SGPL1: variants seen among roughly 807,000 people sequenced by gnomAD.
The protein encoded by SGPL1 is sphingosine-1-phosphate lyase 1.
In SGPL1, 37 loss-of-function variants were observed where a neutral mutation model predicts 68.9. That is an observed-to-expected ratio of 0.54 (90% CI 0.41 to 0.71). The LOEUF is 0.71. SGPL1 is among the 30% of genes least tolerant of loss of function. SGPL1 has a pLI of 0.00. For missense variants in SGPL1, 551 were observed against 704.6 expected, an observed-to-expected ratio of 0.78 and a Z score of 2.47; for synonymous variants, 236 against 248.5, an observed-to-expected ratio of 0.95 and a Z score of 0.47.
chr10:70,843,671 C>G (rs1388966662), intron 2 of SGPL1, among the ~76,000 whole-genome samples: 1 of 150,598 alleles, frequency 6.6e-6, no homozygotes, highest in Non-Finnish European at 1.5e-5. Flanking sequence ...TTTTCTTGCT[C>G]GTACCAGGTG....
intron 4 of SGPL1, among the ~76,000 whole-genome samples, chr10:70,853,661 C>T (rs1845920390): frequency 6.6e-6 from 1 of 152,030 alleles, no homozygotes; most frequent in African/African-American, 2.4e-5. Context: ...TGTGAATATG[C>T]AGTGAATATG....
At position 70,877,272 on chromosome 10, in the gene SGPL1, C is replaced by G; in HGVS notation, c.1644C>G (p.Ser548Arg). ...AATTGTCCTCAGTCTTCTTGGACAG[C>G]TTGTACAGCACCGACACTGTCACCC... ...VAELSSVFLD[S>R]LYSTDTVTQG... is the part of the protein sequence containing the mutation. Residue 548 changes from serine (S) to arginine (R), a missense_variant, in exon 15 of 15, where the codon AGC becomes AGG. Ser to Arg is a moderately radical substitution (Grantham distance 110). Coordinates refer to ENST00000373202, the MANE Select transcript of SGPL1 (RefSeq NM_003901.4). The G allele has an allele frequency of 3.1e-6, 5 of 1,614,076 alleles. No homozygotes were observed. The highest frequency in any genetic ancestry group is 4.2e-6 in the Non-Finnish European group (5 of 1,179,906).
At position 70,816,819 on chromosome 10, in the gene SGPL1, AAAG is replaced by A; in HGVS notation, c.-34_-32del. ...CTGGTTCCCTTTTACAGAGTCTGAA[AAAG>A]GGGAGCGCGGAGAGGAGGCTGGAAG... On this transcript the variant is annotated 5_prime_UTR_variant, in exon 2 of 15. Transcript: ENST00000373202. The A allele has an allele frequency of 6.2e-7, 1 of 1,612,432 alleles. No homozygotes were observed.
At chr10:70,871,185 A>G in intron 10 of SGPL1, 39 bp downstream of exon 10, 1 of 1,383,808 alleles carries the variant, frequency 7.2e-7, no homozygotes, top group Middle Eastern at 1.8e-4. Context: ...AGGCAAATGG[A>G]TATTTTAAAA....
In SGPL1 at chr10:70,869,896, G is replaced by A. The variant is rs746834962; in HGVS notation, c.809G>A (p.Arg270Gln). The A allele has an allele frequency of 6.8e-6, 11 of 1,613,182 alleles. No individual in the cohort carries two copies. The highest frequency in any genetic ancestry group is 6.7e-5 in the East Asian group (3 of 44,884). ...PLTKMMEVDV[R>Q]AMRRAISRNT... is the part of the protein sequence containing the mutation. ...ACGAAGATGATGGAGGTGGATGTGC[G>A]GGTGAGTCCCTCTGGAGGGCCCACT... Residue 270 changes from arginine (R) to glutamine (Q), a missense_variant and splice_region_variant, in exon 9 of 15, where the codon CGG (arginine) becomes CAG (glutamine). Physicochemically the swap from Arg to Gln is conservative, Grantham distance 43. Coordinates refer to ENST00000373202, the MANE Select transcript of SGPL1 (RefSeq NM_003901.4).
intron 7 of SGPL1, among the ~76,000 whole-genome samples, chr10:70,865,889 CTT>C (rs1846177264): frequency 1.3e-5 from 2 of 152,150 alleles, no homozygotes; most frequent in Non-Finnish European, 2.9e-5. Context: ...ATGTTGTTCT[CTT>C]GTTTTCTGAA....
At chr10:70,852,059 C>T (rs1367789666) in intron 4 of SGPL1, among the ~76,000 whole-genome samples, 2 of 152,232 alleles carry the variant, frequency 1.3e-5, no homozygotes, top group Non-Finnish European at 2.9e-5. Context: ...GGGCAGGCCA[C>T]TTGGCAAGCT....
In SGPL1 at chr10:70,844,482, G is replaced by T; in HGVS notation, c.37G>T (p.Glu13Ter). 1 of 1,613,478 alleles carries T rather than the reference G, an allele frequency of 6.2e-7. No individual in the cohort carries two copies. Among genetic ancestry groups the T allele is most frequent in the Non-Finnish European group, 8.5e-7 (1 of 1,179,556 alleles). ...STDLLMLKAF[E>*]PYLEILEVYS... ...TCACTTGTATTTCTAGAAGGCCTTTGAGCCCTACTTAGAGATTTTGGAAGT... is the reference window on the plus strand; with the variant it reads ...TCACTTGTATTTCTAGAAGGCCTTTTAGCCCTACTTAGAGATTTTGGAAGT... The change falls in exon 3 of 15, where the codon GAG becomes TAG. Residue 13 changes from glutamate to a stop codon, truncating the protein, a stop_gained. Transcript: ENST00000373202. LOFTEE classifies it high-confidence loss of function.
At chr10:70,875,034 A>G (rs1024195027) in intron 12 of SGPL1, among the ~76,000 whole-genome samples, 1 of 152,266 alleles carries the variant, frequency 6.6e-6, no homozygotes, top group Non-Finnish European at 1.5e-5. Context: ...ACTTTTTAGA[A>G]CTGTGGAGAT....
At chr10:70,832,868 G>C (rs543732771) in intron 2 of SGPL1, among the ~76,000 whole-genome samples, 10 of 152,086 alleles carry the variant, frequency 6.6e-5, no homozygotes, top group Non-Finnish European at 1.5e-4. Context: ...GTGTTCCTCT[G>C]CTTATTGAAT....
chr10:70,869,124 G>C (rs1200956586), intron 8 of SGPL1: 1 of 152,258 alleles, frequency 6.6e-6, no homozygotes, highest in Non-Finnish European at 1.5e-5. Flanking sequence ...TTCATATGTC[G>C]ATCTTTGGTG....
At chr10:70,843,711 T>C (rs1212938691) in intron 2 of SGPL1, among the ~76,000 whole-genome samples, 3 of 152,226 alleles carry the variant, frequency 2.0e-5, no homozygotes, top group African/African-American at 2.4e-5. Flanking sequence ...TGGTAAGATA[T>C]GGTTGCTGAC....
At chr10:70,861,034 CT>C (rs75728471) in intron 7 of SGPL1, among the ~76,000 whole-genome samples, 378 of 136,658 alleles carry the variant, frequency 2.8e-3, no homozygotes, top group South Asian at 5.2e-3. Flanking sequence ...TCTTTCTTTC[CT>C]TTTTTTTTTT....
At chr10:70,864,300 C>T (rs1846138762) in intron 7 of SGPL1, among the ~76,000 whole-genome samples, 1 of 152,180 alleles carries the variant, frequency 6.6e-6, no homozygotes, top group South Asian at 2.1e-4. Flanking sequence ...CAGTCATTCT[C>T]TGTATGACTT....
intron 4 of SGPL1, among the ~76,000 whole-genome samples, chr10:70,853,443 C>T (rs1309883647): frequency 6.6e-6 from 1 of 152,166 alleles, no homozygotes; most frequent in African/African-American, 2.4e-5. Flanking sequence ...AACCTACTAC[C>T]CAAGAGCCTT....
At chr10:70,816,778 C>A (rs960415050) in intron 1 of SGPL1, 33 bp from the exon 2 acceptor site, 3 of 1,459,028 alleles carry the variant, frequency 2.1e-6, no homozygotes, top group African/African-American at 2.8e-5. Flanking sequence ...GTTTAAAGCT[C>A]TAGAAGTAAA....
chr10:70,861,537 T>C (rs1272839006), intron 7 of SGPL1, among the ~76,000 whole-genome samples: 4 of 152,188 alleles, frequency 2.6e-5, no homozygotes, highest in African/African-American at 7.2e-5. Flanking sequence ...GCTCCCACTT[T>C]GGCGGCACTT....
chr10:70,829,878 A>G (rs924908212), intron 2 of SGPL1, among the ~76,000 whole-genome samples: 1 of 152,196 alleles, frequency 6.6e-6, no homozygotes, highest in African/African-American at 2.4e-5. Context: ...TTGCTACAGT[A>G]TGTGCTTAGG....
rs1846117797 is a variant in SGPL1 at position 70,863,339 on chromosome 10, T to C, written c.615+3840T>C. Reference sequence around the variant, plus strand: ...TCTGCTTGGTTGTTTTTTATAGTCCTTTTCCTTGGCTTAACTTTTGTTTAC... The same window carrying C: ...TCTGCTTGGTTGTTTTTTATAGTCCCTTTCCTTGGCTTAACTTTTGTTTAC... On this transcript the variant is annotated intron_variant, in intron 7 of 14. Transcript: ENST00000373202. Among the ~76,000 whole-genome samples the C allele has an allele frequency of 3.3e-5, 5 of 151,536 alleles. No homozygotes were observed. The South Asian group carries it at 1.0e-3, about 32-fold the overall frequency.
Sources: allele counts gnomAD v4.1 joint callset (sites outside exome capture counted in the v4.1 genomes callset), GRCh38; gene constraint gnomAD v4.1.1; transcripts MANE v1.5; gene names NCBI Gene and HGNC (gene_info 2026-07-23, HGNC 2026-07-21).